SMG1: variants seen among roughly 807,000 people sequenced by gnomAD.
SMG1 encodes the protein serine/threonine-protein kinase SMG1.
SMG1 carries 22 observed loss-of-function variants against 419.9 expected under a neutral mutation model. The ratio of observed to expected loss-of-function variants is 0.05; its 90% confidence interval spans 0.04 to 0.07. The LOEUF (loss-of-function observed/expected upper bound fraction) is 0.07, where lower values mean the gene tolerates loss of function less well. Among genes scored for constraint, SMG1 ranks in the 10% least tolerant of loss-of-function variants. The pLI, the probability that SMG1 is intolerant of heterozygous loss-of-function variation, is 1.00. For missense variants in SMG1, 3,185 were observed against 4,342.0 expected, an observed-to-expected ratio of 0.73 and a Z score of 7.49; for synonymous variants, 1,538 against 1,553.5, an observed-to-expected ratio of 0.99 and a Z score of 0.23.
At chr16:18,843,373 G>T (rs1323621236) in intron 39 of SMG1, among the ~76,000 whole-genome samples, 1 of 152,162 alleles carries the variant, frequency 6.6e-6, no homozygotes, top group Non-Finnish European at 1.5e-5. Flanking sequence ...TTGCAGAAAA[G>T]CCCTATAATA....
At chr16:18,899,389 T>G (rs1426264877) in intron 1 of SMG1, among the ~76,000 whole-genome samples, 1 of 152,030 alleles carries the variant, frequency 6.6e-6, no homozygotes, top group Admixed American at 6.6e-5. Flanking sequence ...AAAAACTAAC[T>G]GGAATAGAGC....
chr16:18,922,354 G>A (rs2038229855), intron 1 of SMG1, among the ~76,000 whole-genome samples: 1 of 151,992 alleles, frequency 6.6e-6, no homozygotes, highest in Admixed American at 6.6e-5. Context: ...CACCACCCCT[G>A]TTTCTTCATA....
intron 6 of SMG1, among the ~76,000 whole-genome samples, 195 bp downstream of exon 6, chr16:18,889,177 A>T (rs560891936): frequency 1.5e-3 from 228 of 152,220 alleles, no homozygotes; most frequent in Non-Finnish European, 2.4e-3. Flanking sequence ...ATATATGCAT[A>T]TATGTATGTA....
At chr16:18,859,724 G>A (rs377077518) in intron 26 of SMG1, 21 bp from the exon 27 acceptor site, 11 of 1,574,452 alleles carry the variant, frequency 7.0e-6, no homozygotes, top group Admixed American at 3.8e-5. Context: ...TAAATAAAAC[G>A]TCATTAAGTT....
At chr16:18,809,709 AC>A in intron 62 of SMG1, 63 bp from the exon 63 acceptor site, 18 of 1,294,036 alleles carry the variant, frequency 1.4e-5, no homozygotes, top group Non-Finnish European at 1.9e-5. Context: ...CTGCTGAATT[AC>A]AATCAGCAGA....
rs2031920380 is a variant in SMG1, at chr16:18,815,473, G to A, written c.10481C>T (p.Pro3494Leu). The part of the protein sequence containing the change: ...EHVEMLQEIT[P>L]TLKELKTQSQ... Reference sequence around the variant, plus strand: ...TTGTGTTTTCAGTTCTTTCAAGGTGGGAGTGATTTCCTGGAGCATTTCAAC... The same window carrying A: ...TTGTGTTTTCAGTTCTTTCAAGGTGAGAGTGATTTCCTGGAGCATTTCAAC... The change falls in exon 59 of 63, where the codon CCC becomes CTC. Residue 3494 changes from proline (P) to leucine (L), a missense_variant. By Grantham distance (98) the Pro-to-Leu change is moderately conservative. This residue lies in a region of SMG1 where 737 missense variants were observed against 846.6 expected (regional missense o/e 0.87). Transcript: ENST00000446231. The A allele has an allele frequency of 6.2e-7, 1 of 1,613,914 alleles. No homozygotes were observed. The highest frequency in any genetic ancestry group is 8.5e-7 in the Non-Finnish European group (1 of 1,179,874).
At position 18,834,926 on chromosome 16, in the gene SMG1, T is replaced by C; in HGVS notation, c.8296A>G (p.Ser2766Gly). Residue 2766 changes from serine (S) to glycine (G), a missense_variant, in exon 49 of 63, where the codon AGT becomes GGT. Transcript: ENST00000446231. Reference protein sequence around the residue: ...NGEEGSLSLASVIISALCTLT... With the variant: ...NGEEGSLSLAGVIISALCTLT... ...GTACAAAGGGCAGAAATAATAACAC[T>C]TGCTAGACTCAAAGATCCTTCTTCT... 6.2e-7 allele frequency: 1 copy of C among 1,614,006 alleles called. No individual in the cohort carries two copies. Among genetic ancestry groups the C allele is most frequent in the Admixed American group, 1.7e-5 (1 of 60,024 alleles).
intron 10 of SMG1, among the ~76,000 whole-genome samples, chr16:18,880,031 G>T (rs1482291501): frequency 6.6e-6 from 1 of 152,156 alleles, no homozygotes; most frequent in Non-Finnish European, 1.5e-5. Context: ...TCTTTATCAT[G>T]AAATACACCA....
intron 60 of SMG1, among the ~76,000 whole-genome samples, chr16:18,813,229 C>G (rs2031647821): frequency 1.3e-5 from 2 of 152,140 alleles, no homozygotes; most frequent in Admixed American, 1.3e-4. Flanking sequence ...GTTCTAGATC[C>G]CTGAGGAATC....
At chr16:18,903,935 T>TC (rs2037451974) in intron 1 of SMG1, among the ~76,000 whole-genome samples, 1 of 31,238 alleles carries the variant, frequency 3.2e-5, no homozygotes, top group African/African-American at 2.4e-4. Context: ...ATGTCTTGTC[T>TC]TTTTTTTTTT....
At chr16:18,886,442 T>C (rs989958280) in intron 6 of SMG1, among the ~76,000 whole-genome samples, 3 of 152,176 alleles carry the variant, frequency 2.0e-5, no homozygotes, top group Non-Finnish European at 4.4e-5. Context: ...AGAAAACATT[T>C]TTCCCTAAAA....
chr16:18,854,013 C>T, intron 30 of SMG1, 146 bp from the exon 31 acceptor site: 1 of 714,762 alleles, frequency 1.4e-6, no homozygotes, highest in Non-Finnish European at 2.2e-6. Context: ...TAGGAGGCTC[C>T]TACTGTCTTA....
At chr16:18,845,301 C>A in intron 39 of SMG1, 128 bp downstream of exon 39, 2 of 737,462 alleles carry the variant, frequency 2.7e-6, no homozygotes, top group Admixed American at 3.1e-5. Context: ...AGCAACTGGC[C>A]ACAGGCTGCC....
At chr16:18,831,460 T>C (rs1006169061) in intron 51 of SMG1, among the ~76,000 whole-genome samples, 1 of 151,986 alleles carries the variant, frequency 6.6e-6, no homozygotes. Flanking sequence ...GATAAGATAT[T>C]AAGAGAGATA....
At chr16:18,816,165 T>A (rs760621653) in intron 58 of SMG1, 137 bp downstream of exon 58, 98 of 709,378 alleles carry the variant, frequency 1.4e-4, no homozygotes, top group Non-Finnish European at 2.0e-4. Context: ...ACAAGTTAAC[T>A]CAGTTACAAA....
chr16:18,834,382 A>G lies in SMG1; in HGVS notation c.8387T>C (p.Leu2796Pro). Reference sequence around the variant, plus strand: ...GAACCAGGCTCCATCCCGAGAAGTCAGATCAACCAGCTGTTCTCCAGCACT... The same window carrying G: ...GAACCAGGCTCCATCCCGAGAAGTCGGATCAACCAGCTGTTCTCCAGCACT... ...ASSAGEQLVD[L>P]TSRDGAWFLE... is the part of the protein sequence containing the mutation. Residue 2796 changes from leucine to proline, a missense_variant, in exon 50 of 63, where the codon CTG becomes CCG. Leu to Pro is a moderately conservative substitution (Grantham distance 98, BLOSUM62 -3). Transcript: ENST00000446231. The G allele has an allele frequency of 6.2e-7, 1 of 1,613,938 alleles. No homozygotes were observed. The highest frequency in any genetic ancestry group is 8.5e-7 in the Non-Finnish European group (1 of 1,179,866).
intron 9 of SMG1, among the ~76,000 whole-genome samples, chr16:18,883,646 C>T (rs2036495782): frequency 2.0e-5 from 3 of 152,152 alleles, no homozygotes; most frequent in Admixed American, 2.0e-4. Context: ...TGACTGGGCA[C>T]GGGGGCTCAC....
chr16:18,893,629 C>CAA (rs200785767), intron 3 of SMG1, among the ~76,000 whole-genome samples: 11 of 149,904 alleles, frequency 7.3e-5, no homozygotes, highest in African/African-American at 2.7e-4. Flanking sequence ...AAAAACAAAA[C>CAA]AAAAAAAAAC....
intron 53 of SMG1, 72 bp downstream of exon 53, chr16:18,829,854 A>C: frequency 7.0e-7 from 1 of 1,428,486 alleles, no homozygotes; most frequent in Non-Finnish European, 9.4e-7. Context: ...AATTAAATTA[A>C]GCCTACTCTA....
Sources: gnomAD v4.1 joint callset for allele counts (sites outside exome capture counted in the v4.1 genomes callset) on GRCh38, gnomAD v4.1.1 for gene constraint, gnomAD v4.1.1 regional missense constraint, MANE v1.5 for transcripts, NCBI Gene and HGNC (gene_info 2026-07-23, HGNC 2026-07-21) for gene names.